The following COG8 variants were observed in gnomAD, a reference collection of about 807,000 sequenced individuals.
The protein encoded by COG8 is component of oligomeric golgi complex 8.
A neutral mutation model predicts 46.5 loss-of-function variants in COG8; 45 were observed. The ratio of observed to expected loss-of-function variants is 0.97; its 90% CI spans 0.76 to 1.24. COG8 has a LOEUF of 1.24. COG8 is among the 50% of genes most tolerant of loss of function. COG8 has a pLI of 0.00. For missense variants in COG8, 793 were observed against 820.8 expected, an observed-to-expected ratio of 0.97 and a Z score of 0.41; for synonymous variants, 407 against 347.8, an observed-to-expected ratio of 1.17 and a Z score of -1.90.
intron 5 of COG8, chr16:69,330,456 C>T (rs1471641436): frequency 1.0e-5 from 15 of 1,472,334 alleles, no homozygotes; most frequent in East Asian, 3.0e-5. Context: ...GGGCCCTCGA[C>T]GCCGTCCGGG....
intron 1 of COG8, among the ~76,000 whole-genome samples, chr16:69,337,533 T>C (rs1446751388): frequency 1.3e-5 from 2 of 152,208 alleles, no homozygotes; most frequent in Non-Finnish European, 2.9e-5. Flanking sequence ...TCAACCATAG[T>C]TCCTGCCACA....
intron 5 of COG8, chr16:69,330,158 C>A: frequency 6.5e-7 from 1 of 1,537,984 alleles, no homozygotes; most frequent in Non-Finnish European, 8.7e-7. Flanking sequence ...CGCGCGCTGG[C>A]GGGGCGGGCA....
chr16:69,331,453 CAAAAAAAAAAAA>C (rs1185929938), intron 4 of COG8, among the ~76,000 whole-genome samples: 1 of 61,242 alleles, frequency 1.6e-5, no homozygotes, highest in Non-Finnish European at 3.0e-5. Context: ...AACTCCGTCT[CAAAAAAAAAAAA>C]AAAAAAAAAA....
Position 69,328,446 on chromosome 16 carries a change from T to C in COG8, c.*760A>G, listed in dbSNP as rs1201686586. On this transcript the variant is annotated 3_prime_UTR_variant, in exon 6 of 6. Transcript: ENST00000306875. ...AGAATGAGCCAAGAACCAGCTGCTC[T>C]AGGGATCTCAGCAGCAAAATCCTGC... 2 of 153,542 alleles carry C rather than the reference T, an allele frequency of 1.3e-5. No individual in the cohort carries two copies. Among genetic ancestry groups the C allele is most frequent in the African/African-American group, 4.8e-5 (2 of 41,432 alleles). 9.5% of individuals were successfully genotyped at this position (153,542 alleles called of 1,614,324 possible).
In COG8 at chr16:69,329,082, A is replaced by ATT; in HGVS notation, c.*123_*124insAA. 3.1e-6 allele frequency: 5 copies of ATT among 1,612,178 alleles called. No homozygotes were observed. Among genetic ancestry groups the ATT allele is most frequent in the Non-Finnish European group, 3.4e-6 (4 of 1,179,532 alleles). ...ACGTCCTGCTGTCCATTTTGTCAATAAACAGGCAGCCCTGCAGGTGGTCCA... is the reference window on the plus strand; with the variant it reads ...ACGTCCTGCTGTCCATTTTGTCAATATTAACAGGCAGCCCTGCAGGTGGTCCA... On this transcript the variant is annotated 3_prime_UTR_variant, in exon 6 of 6. Transcript: ENST00000306875.
intron 5 of COG8, chr16:69,330,491 A>C (rs1240219174): frequency 6.8e-7 from 1 of 1,473,472 alleles, no homozygotes; most frequent in Admixed American, 2.4e-5. Context: ...GCAAGCCCGG[A>C]CACCGACGGC....
chr16:69,337,417 C>G (rs1022791829), intron 1 of COG8, among the ~76,000 whole-genome samples: 9 of 152,102 alleles, frequency 5.9e-5, no homozygotes, highest in African/African-American at 1.2e-4. Flanking sequence ...AAAAGAGACA[C>G]AGTTAAATAT....
Position 69,328,944 on chromosome 16 carries a change from C to G in COG8, c.*262G>C. On this transcript the variant is annotated 3_prime_UTR_variant, in exon 6 of 6. Transcript: ENST00000306875. ...CATATGCGAGCCATCCAAGTTGATG[C>G]CAAGTAAGATTTGCCCAGCTCAAAG... 1 of 1,537,866 alleles carries G rather than the reference C, an allele frequency of 6.5e-7. No individual in the cohort carries two copies. Among genetic ancestry groups the G allele is most frequent in the Non-Finnish European group, 8.7e-7 (1 of 1,150,350 alleles).
chr16:69,339,153 C>CT (rs770113311), intron 1 of COG8, 23 bp downstream of exon 1: 2 of 1,612,870 alleles, frequency 1.2e-6, no homozygotes, highest in Non-Finnish European at 1.7e-6. Context: ...TATAAAACCC[C>CT]TTTAGCGCCA....
rs770925117 is a variant in COG8 at position 69,336,655 on chromosome 16, G to A, written c.435C>T (p.Thr145=). 2 of 1,614,078 alleles carry A rather than the reference G, an allele frequency of 1.2e-6. No homozygotes were observed. The highest frequency in any genetic ancestry group is 2.2e-5 in the East Asian group (1 of 44,892). The change falls in exon 2 of 6, where the codon ACC becomes ACT. Residue 145 remains threonine, a synonymous_variant. Coordinates refer to ENST00000306875, the MANE Select transcript of COG8 (RefSeq NM_032382.5). ...ISSNRRMNSL[T]LNRHTEILEI... is the part of the protein sequence containing the mutation. ...CCAAAATTTCTGTGTGCCGGTTTAG[G>A]GTCAGGCTATTCATCCGGCGGTTGG...
intron 1 of COG8, among the ~76,000 whole-genome samples, chr16:69,337,517 T>C (rs1597225930): frequency 6.6e-6 from 1 of 152,188 alleles, no homozygotes; most frequent in East Asian, 1.9e-4. Context: ...TCTCCTATGC[T>C]AATGTTCAAC....
intron 5 of COG8, chr16:69,330,608 G>C (rs1408199348): frequency 2.8e-6 from 4 of 1,411,376 alleles, no homozygotes; most frequent in Non-Finnish European, 3.6e-6. Context: ...CGCCCCTTCC[G>C]GCCGCAGCGC....
rs769401893 is a variant in COG8 at position 69,335,175 on chromosome 16, A to G, written c.759T>C (p.Ala253=). 3 of 1,614,122 alleles carry G rather than the reference A, an allele frequency of 1.9e-6. No homozygotes were observed. Among genetic ancestry groups the G allele is most frequent in the East Asian group, 4.5e-5 (2 of 44,902 alleles). Reference sequence around the variant, plus strand: ...TGGCAGTCAGGATGGACCGGAGCCAAGCATCTCGGGCCTGAAGAAACTTCA... The same window carrying G: ...TGGCAGTCAGGATGGACCGGAGCCAGGCATCTCGGGCCTGAAGAAACTTCA... ...LRVKFLQARD[A]WLRSILTAIP... is the part of the protein sequence containing the mutation. The change falls in exon 3 of 6, where the codon GCT becomes GCC. Residue 253 remains alanine, a synonymous_variant. Coordinates refer to ENST00000306875, the MANE Select transcript of COG8 (RefSeq NM_032382.5).
At position 69,327,076 on chromosome 16, in the gene COG8, C is replaced by G. The variant is rs1305242107; in HGVS notation, c.*2130G>C. On this transcript the variant is annotated 3_prime_UTR_variant, in exon 6 of 6. Coordinates refer to ENST00000306875, the MANE Select transcript of COG8 (RefSeq NM_032382.5). Reference sequence around the variant, plus strand: ...CTGAATTCTAATTTTCCTAAAGACCCATGTTTTTAGCATCTATGAGCTTTC... The same window carrying G: ...CTGAATTCTAATTTTCCTAAAGACCGATGTTTTTAGCATCTATGAGCTTTC... 2 of 151,754 alleles carry G rather than the reference C, an allele frequency of 1.3e-5. No homozygotes were observed. Among genetic ancestry groups the G allele is most frequent in the African/African-American group, 4.8e-5 (2 of 41,290 alleles). 9.4% of individuals were successfully genotyped at this position (151,754 alleles called of 1,614,324 possible). A position where few individuals can be genotyped will look rare whatever the true frequency, so the allele number is the denominator to read the frequency against.
intron 4 of COG8, 47 bp from the exon 5 acceptor site, chr16:69,331,142 A>G (rs1278794857): frequency 6.2e-7 from 1 of 1,607,404 alleles, no homozygotes; most frequent in Non-Finnish European, 8.5e-7. Context: ...TTACTAATAA[A>G]ACTCAATATA....
intron 5 of COG8, chr16:69,330,367 G>A: frequency 9.5e-6 from 14 of 1,478,766 alleles, no homozygotes; most frequent in South Asian, 2.5e-5. Context: ...CCCCGACTTG[G>A]CACACGTGCG....
intron 5 of COG8, 119 bp downstream of exon 5, chr16:69,330,694 G>A: frequency 7.2e-7 from 1 of 1,394,226 alleles, no homozygotes; most frequent in Non-Finnish European, 9.4e-7. Context: ...GCTTAGACTG[G>A]CAGTGAGCAC....
At chr16:69,330,224 A>T in intron 5 of COG8, 1 of 1,452,770 alleles carries the variant, frequency 6.9e-7, no homozygotes, top group Non-Finnish European at 9.0e-7. Context: ...CGGCACCCCC[A>T]GCTGCGGCGC....
intron 1 of COG8, 80 bp from the exon 2 acceptor site, chr16:69,336,792 A>T: frequency 8.3e-7 from 1 of 1,210,120 alleles, no homozygotes; most frequent in Non-Finnish European, 1.2e-6. Flanking sequence ...ACCTGCTATG[A>T]ACATTGGGCT....
Sources: allele counts gnomAD v4.1 joint callset (sites outside exome capture counted in the v4.1 genomes callset), GRCh38; gene constraint gnomAD v4.1.1; transcripts MANE v1.5; gene names NCBI Gene and HGNC (gene_info 2026-07-23, HGNC 2026-07-21).